LIMA1: variants seen among roughly 807,000 people sequenced by gnomAD.
LIMA1 encodes LIM domain and actin-binding protein 1.
LIMA1 carries 52 observed loss-of-function variants against 62.6 expected under a neutral mutation model. That is an observed-to-expected ratio of 0.83 (90% confidence interval 0.67 to 1.05). The LOEUF is 1.05. LIMA1 is among the 50% of genes least tolerant of loss of function. LIMA1 has a pLI of 0.00. For synonymous variants in LIMA1, 302 were observed against 317.8 expected (o/e 0.95, Z 0.53); for missense variants, 780 against 902.2 (o/e 0.86, Z 1.74).
At chr12:50,243,722 T>C (rs1406353021) in intron 2 of LIMA1, among the ~76,000 whole-genome samples, 1 of 152,116 alleles carries the variant, frequency 6.6e-6, no homozygotes, top group Admixed American at 6.6e-5. Flanking sequence ...GCCTACCAAA[T>C]AACTCTATTC....
chr12:50,187,037 T>A (rs1462119925), intron 9 of LIMA1: 6 of 152,170 alleles, frequency 3.9e-5, no homozygotes. Flanking sequence ...GTAGATAATA[T>A]CTTCAGGATA....
chr12:50,252,056 C>T (rs1941937836), intron 1 of LIMA1, among the ~76,000 whole-genome samples: 1 of 152,136 alleles, frequency 6.6e-6, no homozygotes, highest in Admixed American at 6.5e-5. Flanking sequence ...CTGACATACA[C>T]ACAAATATTT....
chr12:50,195,092 A>G (rs1167683755), intron 8 of LIMA1, among the ~76,000 whole-genome samples: 2 of 151,450 alleles, frequency 1.3e-5, no homozygotes, highest in East Asian at 2.0e-4. Flanking sequence ...AGTCCTAGCT[A>G]TTTGGGAGGC....
At chr12:50,185,650 C>T in intron 9 of LIMA1, 1 of 362,564 alleles carries the variant, frequency 2.8e-6, no homozygotes, top group Non-Finnish European at 5.4e-6. Flanking sequence ...CATATCCCAG[C>T]TCAGGAGAGC....
At chr12:50,212,746 A>G (rs1263049662) in intron 4 of LIMA1, among the ~76,000 whole-genome samples, 3 of 152,242 alleles carry the variant, frequency 2.0e-5, no homozygotes, top group Non-Finnish European at 4.4e-5. Context: ...CTGAAAATAT[A>G]TAAGAATAAA....
intron 3 of LIMA1, among the ~76,000 whole-genome samples, chr12:50,222,933 T>C (rs903926149): frequency 2.6e-5 from 4 of 152,160 alleles, no homozygotes; most frequent in African/African-American, 9.7e-5. Context: ...TTTTTTTTTC[T>C]TCTTTTAAAT....
chr12:50,217,676 G>A (rs532299413), intron 4 of LIMA1: 5 of 221,440 alleles, frequency 2.3e-5, no homozygotes, highest in South Asian at 6.7e-5. Flanking sequence ...GATTTCTGGC[G>A]GTCGTGGGGC....
intron 4 of LIMA1, chr12:50,217,683 G>T: frequency 4.2e-6 from 1 of 239,294 alleles, no homozygotes; most frequent in South Asian, 5.4e-5. Context: ...GGCGGTCGTG[G>T]GGCAGCACCC....
At chr12:50,184,234 T>A (rs769869792) in intron 9 of LIMA1, among the ~76,000 whole-genome samples, 1 of 152,202 alleles carries the variant, frequency 6.6e-6, no homozygotes, top group Admixed American at 6.5e-5. Flanking sequence ...AATTAACACA[T>A]TATCGTATTT....
intron 1 of LIMA1, among the ~76,000 whole-genome samples, chr12:50,275,089 G>A (rs1349427490): frequency 1.3e-5 from 2 of 152,144 alleles, no homozygotes; most frequent in Admixed American, 6.5e-5. Context: ...AGGTGCGGTG[G>A]CTCATGCCTA....
Position 50,222,197 on chromosome 12 carries a change from T to C in LIMA1, c.454A>G (p.Lys152Glu). Residue 152 changes from lysine to glutamate, a missense_variant, in exon 4 of 11, where the codon AAA becomes GAA. By Grantham distance (56) the Lys-to-Glu change is moderately conservative. Coordinates refer to ENST00000341247, the MANE Select transcript of LIMA1 (RefSeq NM_016357.5). ...TTTTTACTTTCTGTTGAGTGGTCTT[T>C]AAGATCCTCACCGTCCTTGATGTGG... is the stretch of plus-strand genomic sequence containing the variant. ...YPHIKDGEDL[K>E]DHSTESKKME... 2 of 1,614,236 alleles carry C rather than the reference T, an allele frequency of 1.2e-6. No homozygotes were observed. The highest frequency in any genetic ancestry group is 1.7e-6 in the Non-Finnish European group (2 of 1,180,040).
chr12:50,231,733 A>AT (rs1323840101), intron 2 of LIMA1, 23 bp from the exon 3 acceptor site: 4 of 1,603,674 alleles, frequency 2.5e-6, no homozygotes, highest in Non-Finnish European at 2.6e-6. Context: ...GAAGGAAAGA[A>AT]TGTCTCAAAT....
At position 50,177,067 on chromosome 12, in the gene LIMA1, C is replaced by T. The variant is rs1237844460; in HGVS notation, c.2277G>A (p.Glu759=). 7 of 1,556,550 alleles carry T rather than the reference C, an allele frequency of 4.5e-6. No homozygotes were observed. The highest frequency in any genetic ancestry group is 6.1e-6 in the Non-Finnish European group (7 of 1,153,412). The change falls in exon 11 of 11, where the codon GAG becomes GAA. Residue 759 remains glutamate, a synonymous_variant. Transcript: ENST00000341247. The part of the protein sequence containing the change: ...NRYYDEDEDE[E] ...GGCCCAGCATCATTGCAATTTGTCA[C>T]TCTTCATCCTCATCCTCATCATAAT...
chr12:50,260,395 C>T (rs1372004366), intron 1 of LIMA1, among the ~76,000 whole-genome samples: 2 of 152,184 alleles, frequency 1.3e-5, no homozygotes, highest in East Asian at 1.9e-4. Context: ...GTGAGCCACC[C>T]GCCTCGGCCT....
At position 50,231,703 on chromosome 12, in the gene LIMA1, T is replaced by C; in HGVS notation, c.127A>G (p.Lys43Glu). 6.2e-7 allele frequency: 1 copy of C among 1,613,524 alleles called. No homozygotes were observed. Among genetic ancestry groups the C allele is most frequent in the South Asian group, 1.1e-5 (1 of 91,080 alleles). Residue 43 changes from lysine (K) to glutamate (E), a missense_variant, in exon 3 of 11, where the codon AAA becomes GAA. Transcript: ENST00000341247. Reference sequence around the variant, plus strand: ...TCCATGTTTGTTTCTTCAGCTGCTTTCTGGTACCTTCAGAGAAGGGAAGGA... The same window carrying C: ...TCCATGTTTGTTTCTTCAGCTGCTTCCTGGTACCTTCAGAGAAGGGAAGGA... The part of the protein sequence containing the change: ...AIVEIFSKYQ[K>E]AAEETNMEKK...
chr12:50,207,668 T>C (rs1211322393), intron 4 of LIMA1, among the ~76,000 whole-genome samples: 1 of 151,698 alleles, frequency 6.6e-6, no homozygotes, highest in Non-Finnish European at 1.5e-5. Flanking sequence ...GCGGGCAGAT[T>C]GCTGGAGCTC....
chr12:50,273,656 AC>A (rs529136257), intron 1 of LIMA1, among the ~76,000 whole-genome samples: 2 of 152,224 alleles, frequency 1.3e-5, no homozygotes, highest in Non-Finnish European at 2.9e-5. Flanking sequence ...TTAATAAGAA[AC>A]CTTTTGTTTA....
intron 1 of LIMA1, among the ~76,000 whole-genome samples, chr12:50,269,922 TAAAAAAAA>T (rs1172694068): frequency 5.3e-5 from 5 of 94,738 alleles, no homozygotes; most frequent in Admixed American, 2.5e-4. Context: ...CTCCGTCAAA[TAAAAAAAA>T]AAAAAAAAAA....
At position 50,224,699 on chromosome 12, in the gene LIMA1, G is replaced by A. The variant is rs11169325; in HGVS notation, c.166-2214C>T. 4.8e-3 allele frequency among the ~76,000 whole-genome samples: 737 copies of A among 152,236 alleles called. 2 individuals are homozygous for A. Among genetic ancestry groups the A allele is most frequent in the Non-Finnish European group, 7.7e-3 (526 of 68,012 alleles). On this transcript the variant is annotated intron_variant, in intron 3 of 10. Coordinates refer to ENST00000341247, the MANE Select transcript of LIMA1 (RefSeq NM_016357.5). ...AGATGCTCATAGGATACTTTTGAAT[G>A]AAGAAAGCAAATTATAAGACAGCAT...
Sources: gnomAD v4.1 joint callset for allele counts (sites outside exome capture counted in the v4.1 genomes callset) on GRCh38, gnomAD v4.1.1 for gene constraint, MANE v1.5 for transcripts, NCBI Gene and HGNC (gene_info 2026-07-23, HGNC 2026-07-21) for gene names.